The following CPEB2 variants were observed in gnomAD, a reference collection of about 807,000 sequenced individuals.
The protein encoded by CPEB2 is cytoplasmic polyadenylation element-binding protein 2.
In CPEB2, 56 loss-of-function variants were observed where a neutral mutation model predicts 93.6. The observed-to-expected ratio is 0.60, with a 90% CI of 0.48 to 0.75. The LOEUF is 0.75. Among genes scored for constraint, CPEB2 ranks in the 30% least tolerant of loss-of-function variants. The probability of loss-of-function intolerance (pLI) is 0.00; values close to 1 mark genes in which losing one functional copy is unlikely to be tolerated. For synonymous variants in CPEB2, 764 were observed against 586.3 expected, an observed-to-expected ratio of 1.30 and a Z score of -4.38; for missense variants, 1,579 against 1,395.1, an observed-to-expected ratio of 1.13 and a Z score of -2.10.
chr4:15,007,380 A>G lies in CPEB2; in HGVS notation c.1738A>G (p.Met580Val), dbSNP rs575940054. ...CACTGGAAGTATGTCCTGGGGAGCA[A>G]TGCATGGCAGAGATCATCGTAGAAC... is the stretch of plus-strand genomic sequence containing the variant. Reference protein sequence around the residue: ...WGTGSMSWGAMHGRDHRRTGN... With the variant: ...WGTGSMSWGAVHGRDHRRTGN... The change falls in exon 2 of 12, where the codon ATG (methionine) becomes GTG (valine). Residue 580 changes from methionine (M) to valine (V), a missense_variant. Transcript: ENST00000538197. The G allele has an allele frequency of 9.3e-6, 15 of 1,613,004 alleles. No homozygotes were observed. Among genetic ancestry groups the G allele is most frequent in the Middle Eastern group, 3.3e-4 (2 of 6,060 alleles).
intron 6 of CPEB2, among the ~76,000 whole-genome samples, chr4:15,050,231 G>C (rs539090393): frequency 1.6e-4 from 24 of 152,214 alleles, no homozygotes; most frequent in Admixed American, 5.9e-4. Flanking sequence ...TCACAGGAGC[G>C]TGAACCCTAT....
At position 15,007,409 on chromosome 4, in the gene CPEB2, A is replaced by C. The variant is rs778562562; in HGVS notation, c.1767A>C (p.Gly589=). Reference sequence around the variant, plus strand: ...ATGGCAGAGATCATCGTAGAACCGGAAACATGGGAATCCCAGGAACTATGA... The same window carrying C: ...ATGGCAGAGATCATCGTAGAACCGGCAACATGGGAATCCCAGGAACTATGA... ...AMHGRDHRRT[G]NMGIPGTMNQ... is the part of the protein sequence containing the mutation. Residue 589 remains glycine, a synonymous_variant, in exon 2 of 12, where the codon GGA becomes GGC. Transcript: ENST00000538197. 20 of 1,614,174 alleles carry C rather than the reference A, an allele frequency of 1.2e-5. No individual in the cohort carries two copies. The South Asian group carries it at 2.2e-4, about 18-fold the overall frequency.
At chr4:15,049,447 A>ATT (rs34650608) in intron 6 of CPEB2, among the ~76,000 whole-genome samples, 1 of 151,648 alleles carries the variant, frequency 6.6e-6, no homozygotes, top group Middle Eastern at 3.2e-3. Context: ...TGGATTTGTG[A>ATT]TTTTTTTCCT....
intron 3 of CPEB2, among the ~76,000 whole-genome samples, chr4:15,010,051 C>T (rs1723278626): frequency 6.6e-6 from 1 of 152,004 alleles, no homozygotes; most frequent in South Asian, 2.1e-4. Context: ...ACTTTTGAGC[C>T]AGAGGTGTGA....
chr4:15,004,941 G>A lies in CPEB2; in HGVS notation c.1662+606G>A, dbSNP rs1476880223. The A allele has an allele frequency of 3.3e-5, 5 of 152,014 alleles. No individual in the cohort carries two copies. The South Asian group carries it at 8.3e-4, about 25-fold the overall frequency. 9.4% of individuals were successfully genotyped at this position (152,014 alleles called of 1,614,324 possible). ...GGCGGAAAGGCTTTTTTTTTTCTTT[G>A]GAGTTTGTTTATTCTTATTTGGCCG... On this transcript the variant is annotated intron_variant, in intron 1 of 11. Coordinates refer to ENST00000538197, the MANE Select transcript of CPEB2 (RefSeq NM_001177382.2).
At chr4:15,042,885 A>G (rs535108372) in intron 6 of CPEB2, among the ~76,000 whole-genome samples, 10 of 152,226 alleles carry the variant, frequency 6.6e-5, no homozygotes, top group Non-Finnish European at 1.5e-4. Flanking sequence ...ATATAGCCTC[A>G]TGTGTTAGAT....
chr4:15,014,732 T>C (rs1723903570), intron 3 of CPEB2, among the ~76,000 whole-genome samples: 1 of 152,016 alleles, frequency 6.6e-6, no homozygotes, highest in Non-Finnish European at 1.5e-5. Context: ...TCAACAGACA[T>C]GAGAACTAAC....
intron 5 of CPEB2, among the ~76,000 whole-genome samples, chr4:15,033,932 AT>A (rs137968773): frequency 0.099 from 15,034 of 152,186 alleles, 1,535 homozygotes; most frequent in African/African-American, 0.25. Context: ...CTTTAAAAAA[AT>A]ATCATTAGAA....
chr4:15,045,799 A>G (rs1296505419), intron 6 of CPEB2, among the ~76,000 whole-genome samples: 1 of 152,182 alleles, frequency 6.6e-6, no homozygotes, highest in Non-Finnish European at 1.5e-5. Flanking sequence ...GAATAACCAT[A>G]TCAGCTCTTC....
chr4:15,016,561 C>T (rs921867725), intron 3 of CPEB2, among the ~76,000 whole-genome samples: 2 of 151,846 alleles, frequency 1.3e-5, no homozygotes, highest in Non-Finnish European at 2.9e-5. Flanking sequence ...GGGAGGCCGG[C>T]TTAAAAATGC....
chr4:15,055,561 G>C (rs1023181903), intron 8 of CPEB2, among the ~76,000 whole-genome samples: 1 of 152,148 alleles, frequency 6.6e-6, no homozygotes, highest in Non-Finnish European at 1.5e-5. Flanking sequence ...TGCTTCAGCT[G>C]TCTTTCTAGT....
At chr4:15,059,470 G>GC (rs1729000399) in intron 10 of CPEB2, among the ~76,000 whole-genome samples, 169 bp downstream of exon 10, 2 of 152,234 alleles carry the variant, frequency 1.3e-5, no homozygotes, top group African/African-American at 4.8e-5. Flanking sequence ...AAATTCTGAG[G>GC]CCCCCTCTTG....
chr4:15,041,807 T>C (rs1437956642), intron 6 of CPEB2, among the ~76,000 whole-genome samples: 1 of 152,222 alleles, frequency 6.6e-6, no homozygotes, highest in African/African-American at 2.4e-5. Context: ...ACTAGTATTT[T>C]ATATTCTTAA....
At chr4:15,058,383 G>C (rs2109096520) in intron 8 of CPEB2, 38 bp from the exon 9 acceptor site, 1 of 1,185,218 alleles carries the variant, frequency 8.4e-7, no homozygotes, top group South Asian at 1.3e-5. Context: ...AAAATCACTT[G>C]GCTTGACATA....
In CPEB2 at chr4:15,050,256, G is replaced by A. The variant is rs1308695537; in HGVS notation, c.2201-2158G>A. 2.0e-5 allele frequency among the ~76,000 whole-genome samples: 3 copies of A among 152,158 alleles called. No homozygotes were observed. In the East Asian group the frequency reaches 5.8e-4, roughly 29 times the overall value. On this transcript the variant is annotated intron_variant, in intron 6 of 11. Transcript: ENST00000538197. The stretch of plus-strand genomic sequence containing the variant: ...GTGAACCCTATTGTGAACTGCATGT[G>A]TGAAGGATCTAGGTTGTGTGCTCCT...
chr4:15,021,220 T>C lies in CPEB2; in HGVS notation c.2125+3942T>C, dbSNP rs78649473. Among the ~76,000 whole-genome samples, 86 of 152,278 alleles carry C rather than the reference T, an allele frequency of 5.6e-4. 1 individual carries two copies. In the East Asian group the frequency reaches 0.015, roughly 27 times the overall value. The stretch of plus-strand genomic sequence containing the variant: ...GGCACTGACCCGTCTGCTTTATTTA[T>C]TGTGTGGTAGTTTCTCTCCATTAAC... On this transcript the variant is annotated intron_variant, in intron 4 of 11. Transcript: ENST00000538197.
At chr4:15,010,400 C>T (rs535321396) in intron 3 of CPEB2, 2 of 152,328 alleles carry the variant, frequency 1.3e-5, no homozygotes, top group South Asian at 4.1e-4. Flanking sequence ...GGGTCTTAGG[C>T]ATTAGTCTAA....
At position 15,068,655 on chromosome 4, in the gene CPEB2, T is replaced by A. The variant is rs1217165065; in HGVS notation, c.*2275T>A. On this transcript the variant is annotated 3_prime_UTR_variant, in exon 12 of 12. Coordinates refer to ENST00000538197, the MANE Select transcript of CPEB2 (RefSeq NM_001177382.2). ...TATTTTCATAATTTCTGCTTAATGT[T>A]TAAAATTGAAGAGCCTTTTCATGTA... 2 of 152,330 alleles carry A rather than the reference T, an allele frequency of 1.3e-5. No homozygotes were observed. 9.4% of individuals were successfully genotyped at this position (152,330 alleles called of 1,614,324 possible).
At chr4:15,060,410 G>A (rs982402497) in intron 10 of CPEB2, among the ~76,000 whole-genome samples, 2 of 152,118 alleles carry the variant, frequency 1.3e-5, no homozygotes, top group Non-Finnish European at 2.9e-5. Context: ...AGTAAATGCG[G>A]GCAGACCAGT....
Sources: allele counts gnomAD v4.1 joint callset (sites outside exome capture counted in the v4.1 genomes callset), GRCh38; gene constraint gnomAD v4.1.1; transcripts MANE v1.5; gene names NCBI Gene and HGNC (gene_info 2026-07-23, HGNC 2026-07-21).